The following PHACTR4 variants were observed in gnomAD, a reference collection of about 807,000 sequenced individuals.
The protein encoded by PHACTR4 is protein phosphatase 1, regulatory subunit 124.
A neutral mutation model predicts 72.7 loss-of-function variants in PHACTR4; 51 were observed. The ratio of observed to expected loss-of-function variants is 0.70; its 90% CI spans 0.56 to 0.89. The LOEUF is 0.89. Among genes scored for constraint, PHACTR4 ranks in the 40% least tolerant of loss-of-function variants. The pLI, the probability that PHACTR4 is intolerant of heterozygous loss-of-function variation, is 0.00. For synonymous variants in PHACTR4, 255 were observed against 302.5 expected, an observed-to-expected ratio of 0.84 and a Z score of 1.63; for missense variants, 731 against 861.8, an observed-to-expected ratio of 0.85 and a Z score of 1.90.
rs1050868552 is a variant in PHACTR4 at position 28,500,336 on chromosome 1, T to C, written c.*3787T>C. 1 of 152,180 alleles carries C rather than the reference T, an allele frequency of 6.6e-6. No homozygotes were observed. The highest frequency in any genetic ancestry group is 1.5e-5 in the Non-Finnish European group (1 of 68,050). 9.4% of individuals were successfully genotyped at this position (152,180 alleles called of 1,614,324 possible). A position where few individuals can be genotyped will look rare whatever the true frequency, so the allele number is the denominator to read the frequency against. On this transcript the variant is annotated 3_prime_UTR_variant, in exon 14 of 14. Transcript: ENST00000373839. ...TCAGTCTTCTCATCAATATTAATTA[T>C]TAAATATTTTAGAATTTTTAAATAC... is the stretch of plus-strand genomic sequence containing the variant.
At position 28,474,150 on chromosome 1, in the gene PHACTR4, G is replaced by A. The variant is rs767927009; in HGVS notation, c.1420G>A (p.Val474Ile). 1.2e-6 allele frequency: 2 copies of A among 1,603,162 alleles called. No homozygotes were observed. Among genetic ancestry groups the A allele is most frequent in the Non-Finnish European group, 1.7e-6 (2 of 1,173,980 alleles). ...SLPITIEMLK[V>I]PDDEEEEEQT... ...TCCCATCACTATTGAAATGCTAAAA[G>A]TGTAAGTGCCTTTAAAGCTTGCCTC... The change falls in exon 7 of 14, where the codon GTT becomes ATT. Residue 474 changes from valine to isoleucine, a missense_variant and splice_region_variant. Physicochemically the swap from Val to Ile is conservative, Grantham distance 29 (BLOSUM62 3). Around this residue, in one of 2 missense-constraint regions of PHACTR4, gnomAD observed 621 missense variants for 676.6 expected, o/e 0.92. Transcript: ENST00000373839.
Position 28,460,196 on chromosome 1 carries a change from T to C in PHACTR4, c.191-16T>C. On this transcript the variant is annotated splice_polypyrimidine_tract_variant and intron_variant, in intron 3 of 13. Coordinates refer to ENST00000373839, the MANE Select transcript of PHACTR4 (RefSeq NM_001048183.3). ...ACTGTCACATTTCTGAGTGCCATTT[T>C]CCAATTTAATGTTAGTTTTAGAACG... 6.3e-7 allele frequency: 1 copy of C among 1,596,808 alleles called. No homozygotes were observed. The highest frequency in any genetic ancestry group is 8.6e-7 in the Non-Finnish European group (1 of 1,165,188).
chr1:28,443,949 T>C (rs1414462269), intron 2 of PHACTR4, among the ~76,000 whole-genome samples: 1 of 152,090 alleles, frequency 6.6e-6, no homozygotes, highest in African/African-American at 2.4e-5. Context: ...CCAGTAATGG[T>C]ATTGCTGGAT....
intron 7 of PHACTR4, among the ~76,000 whole-genome samples, chr1:28,474,444 A>C (rs1019970336): frequency 1.3e-5 from 2 of 149,880 alleles, no homozygotes; most frequent in Non-Finnish European, 3.0e-5. Flanking sequence ...GAATCGCTTT[A>C]ACAGGGAGGT....
intron 2 of PHACTR4, among the ~76,000 whole-genome samples, chr1:28,448,261 A>T (rs1657617271): frequency 6.6e-6 from 1 of 152,074 alleles, no homozygotes; most frequent in African/African-American, 2.4e-5. Context: ...CATGCCTGTA[A>T]TCCTAGCACT....
chr1:28,473,686 C>A lies in PHACTR4; in HGVS notation c.956C>A (p.Pro319Gln), dbSNP rs1395954045. 1 of 1,613,968 alleles carries A rather than the reference C, an allele frequency of 6.2e-7. No homozygotes were observed. The change falls in exon 7 of 14, where the codon CCA becomes CAA. Residue 319 changes from proline (P) to glutamine (Q), a missense_variant. Transcript: ENST00000373839. Reference protein sequence around the residue: ...ESAAAITTKTPSDEREKSTCS... With the variant: ...ESAAAITTKTQSDEREKSTCS... ...GCTGCTGCCATCACCACAAAAACAC[C>A]AAGTGATGAAAGAGAGAAGAGCACG...
chr1:28,428,825 T>C (rs1410241323), intron 2 of PHACTR4, among the ~76,000 whole-genome samples: 1 of 152,176 alleles, frequency 6.6e-6, no homozygotes, highest in Non-Finnish European at 1.5e-5. Flanking sequence ...CTTTGGAAAT[T>C]TTTCTTATTT....
chr1:28,429,679 C>T (rs921179845), intron 2 of PHACTR4, among the ~76,000 whole-genome samples: 11 of 152,110 alleles, frequency 7.2e-5, no homozygotes, highest in Admixed American at 5.2e-4. Flanking sequence ...ATACTCGGTG[C>T]GTGTATACTG....
At chr1:28,438,867 T>G (rs1044997468) in intron 2 of PHACTR4, among the ~76,000 whole-genome samples, 15 of 152,230 alleles carry the variant, frequency 9.9e-5, no homozygotes, top group Non-Finnish European at 1.6e-4. Flanking sequence ...GTTTTTAGAC[T>G]TGGTTATACA....
At chr1:28,481,957 G>A (rs1479335693) in intron 9 of PHACTR4, among the ~76,000 whole-genome samples, 1 of 151,968 alleles carries the variant, frequency 6.6e-6, no homozygotes, top group African/African-American at 2.4e-5. Flanking sequence ...GAGTGCAATG[G>A]TGCAATCTCG....
chr1:28,492,714 T>C (rs1360841640), intron 12 of PHACTR4, among the ~76,000 whole-genome samples: 1 of 152,024 alleles, frequency 6.6e-6, no homozygotes, highest in African/African-American at 2.4e-5. Flanking sequence ...GAGCTGAGAT[T>C]GCACCACTGC....
chr1:28,498,632 C>T lies in PHACTR4; in HGVS notation c.*2083C>T, dbSNP rs912600208. 2.0e-5 allele frequency: 3 copies of T among 152,060 alleles called. No individual in the cohort carries two copies. The highest frequency in any genetic ancestry group is 2.1e-4 in the South Asian group (1 of 4,824). The allele number at this position is 152,060 out of a possible 1,614,324, so 9.4% of individuals were successfully genotyped here. On this transcript the variant is annotated 3_prime_UTR_variant, in exon 14 of 14. Coordinates refer to ENST00000373839, the MANE Select transcript of PHACTR4 (RefSeq NM_001048183.3). ...ATGAATGTGGCTTTTTTTCCCTTCA[C>T]TTTAATGTTCAAGAAGTTGTGGCTA...
intron 8 of PHACTR4, among the ~76,000 whole-genome samples, chr1:28,477,957 C>T (rs1480823490): frequency 2.0e-5 from 3 of 151,368 alleles, no homozygotes; most frequent in Admixed American, 6.6e-5. Context: ...CAAAGTGCTG[C>T]GATTACAGGC....
chr1:28,454,264 CTT>C (rs1658198402), intron 2 of PHACTR4, among the ~76,000 whole-genome samples: 1 of 144,256 alleles, frequency 6.9e-6, no homozygotes, highest in African/African-American at 2.6e-5. Flanking sequence ...AGAGAAATCA[CTT>C]TGTCTTTTTT....
At chr1:28,394,920 T>C (rs534437692) in intron 1 of PHACTR4, among the ~76,000 whole-genome samples, 21 of 150,630 alleles carry the variant, frequency 1.4e-4, no homozygotes, top group Admixed American at 4.0e-4. Context: ...TTTCTTTTTT[T>C]TTTTTTTTCT....
At chr1:28,375,282 G>A (rs1225724363) in intron 1 of PHACTR4, among the ~76,000 whole-genome samples, 4 of 151,686 alleles carry the variant, frequency 2.6e-5, no homozygotes, top group Admixed American at 2.6e-4. Context: ...CGGGGTGACA[G>A]AGCAAGATTC....
chr1:28,403,496 C>T (rs1237752652), intron 1 of PHACTR4, among the ~76,000 whole-genome samples: 1 of 152,110 alleles, frequency 6.6e-6, no homozygotes. Flanking sequence ...AGGATCCAGC[C>T]AGTGCAACAG....
chr1:28,406,670 G>A (rs948163178), intron 1 of PHACTR4, among the ~76,000 whole-genome samples: 1 of 152,166 alleles, frequency 6.6e-6, no homozygotes, highest in African/African-American at 2.4e-5. Flanking sequence ...CTGAATTGGA[G>A]TTTAGTATTT....
chr1:28,395,267 A>T (rs1236521088), intron 1 of PHACTR4, among the ~76,000 whole-genome samples: 1 of 264 alleles, frequency 3.8e-3, no homozygotes, highest in African/African-American at 3.8e-3. Flanking sequence ...TGTGATACAT[A>T]ACGATGCCAG....
Sources: allele counts gnomAD v4.1 joint callset (sites outside exome capture counted in the v4.1 genomes callset), GRCh38; gene constraint gnomAD v4.1.1; regional missense constraint gnomAD v4.1.1; transcripts MANE v1.5; gene names NCBI Gene and HGNC (gene_info 2026-07-23, HGNC 2026-07-21).